The following PTPRD variants were observed in gnomAD, a reference collection of about 807,000 sequenced individuals.
PTPRD encodes protein tyrosine phosphatase receptor type D.
In PTPRD, 34 loss-of-function variants were observed where a neutral mutation model predicts 214.5. The ratio of observed to expected loss-of-function variants is 0.16; its 90% CI spans 0.12 to 0.21. The LOEUF is 0.21. Among genes scored for constraint, PTPRD ranks in the 10% least tolerant of loss-of-function variants. The pLI is 1.00. For missense variants in PTPRD, 2,545 were observed against 2,398.7 expected (o/e 1.06, Z -1.27); for synonymous variants, 1,128 against 845.7 (o/e 1.33, Z -5.79).
chr9:9,459,616 T>C (rs1421380695), intron 8 of PTPRD, among the ~76,000 whole-genome samples: 3 of 151,920 alleles, frequency 2.0e-5, no homozygotes, highest in African/African-American at 7.3e-5. Context: ...GCCACAAAAA[T>C]ACCTAGAAAT....
chr9:8,418,104 GT>G (rs2094081219), intron 35 of PTPRD, among the ~76,000 whole-genome samples: 1 of 152,152 alleles, frequency 6.6e-6, no homozygotes, highest in Non-Finnish European at 1.5e-5. Flanking sequence ...ATCAGTCCTA[GT>G]GAATAATTTT....
intron 3 of PTPRD, among the ~76,000 whole-genome samples, chr9:10,316,674 C>A (rs570757334): frequency 6.6e-6 from 1 of 151,804 alleles, no homozygotes; most frequent in Non-Finnish European, 1.5e-5. Context: ...TTTAATGTAC[C>A]TTTTCTGACA....
intron 12 of PTPRD, among the ~76,000 whole-genome samples, chr9:8,642,548 T>C (rs1253794737): frequency 6.6e-6 from 1 of 152,116 alleles, no homozygotes; most frequent in Non-Finnish European, 1.5e-5. Context: ...TCAGCTGAAG[T>C]CATCTCTGAT....
intron 3 of PTPRD, among the ~76,000 whole-genome samples, chr9:10,087,563 G>A (rs1406637716): frequency 6.6e-6 from 1 of 151,620 alleles, no homozygotes; most frequent in East Asian, 1.9e-4. Flanking sequence ...AAGAAATCTG[G>A]TAACACTAAG....
At chr9:9,937,740 A>T (rs1383779606) in intron 5 of PTPRD, among the ~76,000 whole-genome samples, 1 of 152,148 alleles carries the variant, frequency 6.6e-6, no homozygotes, top group Admixed American at 6.6e-5. Context: ...GACAGATTGC[A>T]TGTGAATTAC....
At chr9:9,896,288 A>G (rs2074957361) in intron 5 of PTPRD, among the ~76,000 whole-genome samples, 1 of 152,108 alleles carries the variant, frequency 6.6e-6, no homozygotes, top group Non-Finnish European at 1.5e-5. Flanking sequence ...AGTTTTAAAG[A>G]CAAGGTAAGA....
intron 14 of PTPRD, among the ~76,000 whole-genome samples, chr9:8,588,959 A>C (rs1189490260): frequency 6.6e-6 from 1 of 152,024 alleles, no homozygotes; most frequent in Non-Finnish European, 1.5e-5. Context: ...GTATTTAATA[A>C]AAGTTATTCT....
rs548371095 is a variant in PTPRD at position 9,241,236 on chromosome 9, C to G, written c.-202-57873G>C. 1.4e-4 allele frequency among the ~76,000 whole-genome samples: 21 copies of G among 152,212 alleles called. No homozygotes were observed. In the South Asian group the frequency reaches 4.1e-3, roughly 30 times the overall value. On this transcript the variant is annotated intron_variant, in intron 9 of 45. Transcript: ENST00000381196. ...TTGTTTTGTTTTTATTTTAAGCTATCTATTTGTTACAGCAATTTGGTCAAA... is the reference window on the plus strand; with the variant it reads ...TTGTTTTGTTTTTATTTTAAGCTATGTATTTGTTACAGCAATTTGGTCAAA...
chr9:8,420,560 T>C (rs954508327), intron 35 of PTPRD, among the ~76,000 whole-genome samples: 1 of 152,154 alleles, frequency 6.6e-6, no homozygotes, highest in East Asian at 1.9e-4. Flanking sequence ...GGAATGATTA[T>C]AGATCAAAAA....
intron 9 of PTPRD, among the ~76,000 whole-genome samples, chr9:9,280,768 T>C (rs1253683046): frequency 6.6e-6 from 1 of 151,306 alleles, no homozygotes; most frequent in Non-Finnish European, 1.5e-5. Context: ...TTGTGAATAT[T>C]GACAAACTGA....
intron 11 of PTPRD, among the ~76,000 whole-genome samples, chr9:8,810,015 T>A (rs914501742): frequency 6.6e-6 from 1 of 152,166 alleles, no homozygotes; most frequent in Non-Finnish European, 1.5e-5. Flanking sequence ...TGTGGGCCAA[T>A]TCATCAGTCC....
At chr9:8,859,542 AC>A (rs2098051805) in intron 11 of PTPRD, among the ~76,000 whole-genome samples, 1 of 152,214 alleles carries the variant, frequency 6.6e-6, no homozygotes, top group South Asian at 2.1e-4. Context: ...TCAGGCCAGC[AC>A]ATACACACAA....
At chr9:9,811,277 C>T (rs1409212758) in intron 5 of PTPRD, among the ~76,000 whole-genome samples, 13 of 152,046 alleles carry the variant, frequency 8.6e-5, no homozygotes, top group South Asian at 8.3e-4. Flanking sequence ...GGTTCAGGAA[C>T]GCAGTGAAAG....
intron 43 of PTPRD, among the ~76,000 whole-genome samples, chr9:8,332,076 T>C (rs1422540715): frequency 6.6e-6 from 1 of 152,162 alleles, no homozygotes; most frequent in East Asian, 1.9e-4. Context: ...TAACCATTCA[T>C]CATGTCTGCA....
intron 2 of PTPRD, among the ~76,000 whole-genome samples, chr9:10,341,720 T>C (rs2096942648): frequency 6.6e-6 from 1 of 152,030 alleles, no homozygotes; most frequent in Non-Finnish European, 1.5e-5. Context: ...AAACTGCTGC[T>C]TATCTGTAAA....
At chr9:9,403,290 C>CAAAAAAAAAAAA (rs56105335) in intron 8 of PTPRD, among the ~76,000 whole-genome samples, 1 of 60,658 alleles carries the variant, frequency 1.6e-5, no homozygotes, top group African/African-American at 7.4e-5. Context: ...TACTCTGTCT[C>CAAAAAAAAAAAA]AAAAAAAAAA....
chr9:10,550,598 C>A (rs757354973), intron 2 of PTPRD, among the ~76,000 whole-genome samples: 1 of 152,162 alleles, frequency 6.6e-6, no homozygotes, highest in African/African-American at 2.4e-5. Context: ...AAATTAGACT[C>A]ATTTCACCCA....
At chr9:10,250,418 G>C (rs144520778) in intron 3 of PTPRD, among the ~76,000 whole-genome samples, 1 of 151,924 alleles carries the variant, frequency 6.6e-6, no homozygotes. Context: ...ACCAAATTTC[G>C]CAATGTCAGA....
intron 10 of PTPRD, among the ~76,000 whole-genome samples, chr9:9,090,039 A>C (rs187086247): frequency 1.9e-4 from 29 of 152,326 alleles, no homozygotes; most frequent in Non-Finnish European, 1.5e-5. Context: ...GATATTCATC[A>C]CATTGAACAT....
Sources: gnomAD v4.1 joint callset for allele counts (sites outside exome capture counted in the v4.1 genomes callset) on GRCh38, gnomAD v4.1.1 for gene constraint, MANE v1.5 for transcripts, NCBI Gene and HGNC (gene_info 2026-07-23, HGNC 2026-07-21) for gene names.